The following ZC3H12B variants were observed in gnomAD, a reference collection of about 807,000 sequenced individuals.
ZC3H12B encodes probable ribonuclease ZC3H12B.
A neutral mutation model predicts 43.9 loss-of-function variants in ZC3H12B; 7 were observed. The ratio of observed to expected loss-of-function variants is 0.16; its 90% confidence interval spans 0.09 to 0.30. The LOEUF is 0.30. Ranked by LOEUF, ZC3H12B falls within the 10% of genes least tolerant of loss-of-function variation. The pLI is 1.00. For missense variants in ZC3H12B, 475 were observed against 670.2 expected (o/e 0.71, Z 3.22); for synonymous variants, 222 against 241.7 (o/e 0.92, Z 0.76).
chrX:65,255,063 T>C, the ZC3H12B span, among the ~76,000 whole-genome samples: 1 of 111,785 alleles, frequency 8.9e-6, no homozygotes, highest in African/African-American at 3.3e-5. Flanking sequence ...TATGGAATTA[T>C]ATAAATAGAC....
the ZC3H12B span, among the ~76,000 whole-genome samples, chrX:65,133,944 C>G: frequency 9.0e-6 from 1 of 111,060 alleles, no homozygotes; most frequent in Non-Finnish European, 1.9e-5. Flanking sequence ...AAAAATCATC[C>G]AGGTCTTGTA....
At chrX:65,212,718 A>AT in the ZC3H12B span, among the ~76,000 whole-genome samples, 1 of 93,722 alleles carries the variant, frequency 1.1e-5, no homozygotes, top group African/African-American at 3.9e-5. Flanking sequence ...TATATCATAT[A>AT]TATATCATAT....
chrX:65,229,688 GAAA>G, the ZC3H12B span, among the ~76,000 whole-genome samples: 1 of 97,694 alleles, frequency 1.0e-5, no homozygotes, highest in East Asian at 3.3e-4. Flanking sequence ...AAATTTACAA[GAAA>G]AAAACAAACA....
chrX:65,137,860 G>A, the ZC3H12B span, among the ~76,000 whole-genome samples: 264 of 112,365 alleles, frequency 2.3e-3, 2 homozygotes, highest in African/African-American at 7.8e-3. Flanking sequence ...ACGGAGTCTC[G>A]CTCTATTGCC....
chrX:65,238,255 T>C, the ZC3H12B span, among the ~76,000 whole-genome samples: 1 of 112,239 alleles, frequency 8.9e-6, no homozygotes, highest in Admixed American at 9.4e-5. Flanking sequence ...AGGCTACTTA[T>C]TACTTTCTCA....
the ZC3H12B span, among the ~76,000 whole-genome samples, chrX:65,177,941 G>C: frequency 5.4e-5 from 6 of 112,011 alleles, no homozygotes; most frequent in Non-Finnish European, 7.5e-5. Context: ...ACCAAAAATA[G>C]CCTGTATACC....
chrX:65,382,924 C>A (rs1409273782), intron 2 of ZC3H12B, among the ~76,000 whole-genome samples: 2 of 110,652 alleles, frequency 1.8e-5, no homozygotes, highest in African/African-American at 3.3e-5. Context: ...TCAAGGAGAA[C>A]TACAAACCAC....
At chrX:65,101,653 A>G in the ZC3H12B span, among the ~76,000 whole-genome samples, 1 of 111,993 alleles carries the variant, frequency 8.9e-6, no homozygotes, top group East Asian at 2.8e-4. Flanking sequence ...GAAATAGATG[A>G]ATTCCTGGAC....
intron 3 of ZC3H12B, among the ~76,000 whole-genome samples, chrX:65,412,561 G>C (rs2066916162): frequency 9.0e-6 from 1 of 111,229 alleles, no homozygotes; most frequent in Non-Finnish European, 1.9e-5. Flanking sequence ...TTGACCTCCG[G>C]GGCTCAATTG....
upstream of ZC3H12B, among the ~76,000 whole-genome samples, chrX:65,485,104 G>T (rs942954173): frequency 8.9e-6 from 1 of 112,121 alleles, no homozygotes; most frequent in Admixed American, 9.5e-5. Flanking sequence ...TCTTCCACAC[G>T]TGGCTATCTG....
At chrX:65,463,786 G>A (rs1051395316) in intron 3 of ZC3H12B, among the ~76,000 whole-genome samples, 1 of 111,045 alleles carries the variant, frequency 9.0e-6, no homozygotes, top group Non-Finnish European at 1.9e-5. Context: ...AGTCACGCAA[G>A]ACAGAAACCA....
At chrX:65,229,913 A>C in the ZC3H12B span, among the ~76,000 whole-genome samples, 1 of 111,299 alleles carries the variant, frequency 9.0e-6, no homozygotes. Flanking sequence ...GTGGAGAAAT[A>C]GGAACACTTT....
At chrX:65,204,452 G>A in the ZC3H12B span, among the ~76,000 whole-genome samples, 6 of 111,849 alleles carry the variant, frequency 5.4e-5, no homozygotes, top group African/African-American at 1.9e-4. Flanking sequence ...CAAAAGTATA[G>A]TATTATCAAT....
chrX:65,328,523 T>A, the ZC3H12B span: 1 of 206,773 alleles, frequency 4.8e-6, no homozygotes, highest in East Asian at 1.3e-4. Context: ...CTCATTTTCT[T>A]TTTTTTTTAT....
chrX:65,300,999 A>G, the ZC3H12B span, among the ~76,000 whole-genome samples: 3 of 110,240 alleles, frequency 2.7e-5, no homozygotes, highest in Non-Finnish European at 5.7e-5. Flanking sequence ...AAAAAAAAAA[A>G]TACCATCAAA....
At chrX:65,332,118 G>A in the ZC3H12B span, among the ~76,000 whole-genome samples, 2 of 110,874 alleles carry the variant, frequency 1.8e-5, no homozygotes, top group South Asian at 7.7e-4. Context: ...TCAAGATGGA[G>A]TTGCTCTGGT....
At chrX:65,401,049 C>T (rs1041730098) in intron 3 of ZC3H12B, among the ~76,000 whole-genome samples, 2 of 107,519 alleles carry the variant, frequency 1.9e-5, no homozygotes, top group African/African-American at 3.5e-5. Flanking sequence ...TTGTCACCCT[C>T]GCAAGGACAT....
the ZC3H12B span, among the ~76,000 whole-genome samples, chrX:65,318,340 T>A: frequency 9.1e-6 from 1 of 110,211 alleles, no homozygotes; most frequent in Non-Finnish European, 1.9e-5. Flanking sequence ...TTTTTCTTCT[T>A]CTTTCTTCCT....
At chrX:65,163,637 G>C in the ZC3H12B span, among the ~76,000 whole-genome samples, 8 of 111,890 alleles carry the variant, frequency 7.1e-5, no homozygotes, top group South Asian at 3.0e-3. Context: ...CGCAGTATTA[G>C]GGTGGGAGTG....
Sources: allele counts gnomAD v4.1 joint callset (sites outside exome capture counted in the v4.1 genomes callset), GRCh38; gene constraint gnomAD v4.1.1; transcripts MANE v1.5; gene names NCBI Gene and HGNC (gene_info 2026-07-23, HGNC 2026-07-21).